The following SLC14A2 variants were observed in gnomAD, a reference collection of about 807,000 sequenced individuals.
The protein encoded by SLC14A2 is solute carrier family 14 member 2, also known as urea transporter 2.
A neutral mutation model predicts 104.6 loss-of-function variants in SLC14A2; 91 were observed. The observed-to-expected ratio is 0.87, with a 90% CI of 0.73 to 1.04. The LOEUF is 1.04. Among genes scored for constraint, SLC14A2 ranks in the 50% least tolerant of loss-of-function variants. The pLI, the probability that SLC14A2 is intolerant of heterozygous loss-of-function variation, is 0.00. For missense variants in SLC14A2, 1,189 were observed against 1,156.0 expected, an observed-to-expected ratio of 1.03 and a Z score of -0.41; for synonymous variants, 476 against 466.4, an observed-to-expected ratio of 1.02 and a Z score of -0.27.
chr18:45,512,814 G>A (rs1056178395), intron 2 of SLC14A2, among the ~76,000 whole-genome samples: 9 of 152,302 alleles, frequency 5.9e-5, no homozygotes, highest in Non-Finnish European at 1.0e-4. Context: ...GGATTGGGGG[G>A]AGCTGGAAGG....
chr18:45,208,420 C>T (rs2083933302), upstream of SLC14A2, among the ~76,000 whole-genome samples: 1 of 152,184 alleles, frequency 6.6e-6, no homozygotes, highest in Non-Finnish European at 1.5e-5. Context: ...TAACGACAAG[C>T]TTATGAGTTA....
intron 1 of SLC14A2, among the ~76,000 whole-genome samples, chr18:45,299,414 C>T (rs751606345): frequency 3.4e-4 from 52 of 152,316 alleles, no homozygotes; most frequent in East Asian, 9.6e-4. Context: ...CACACATGTG[C>T]GCATGCACAC....
At chr18:45,433,883 T>C (rs998499404) in intron 1 of SLC14A2, among the ~76,000 whole-genome samples, 1 of 152,184 alleles carries the variant, frequency 6.6e-6, no homozygotes, top group Admixed American at 6.5e-5. Context: ...AGGGGGAAGA[T>C]GGATGGTGGC....
In SLC14A2 at chr18:45,353,683, T is replaced by A. The variant is rs114750167; in HGVS notation, c.-124-129550T>A. ...CAACAATAAGAATGCATACTAAGTGTGGAAGATCCCTAGGGCTGGTGCGTT... is the reference window on the plus strand; with the variant it reads ...CAACAATAAGAATGCATACTAAGTGAGGAAGATCCCTAGGGCTGGTGCGTT... On this transcript the variant is annotated intron_variant, in intron 1 of 20. Transcript: ENST00000586448. Among the ~76,000 whole-genome samples the A allele has an allele frequency of 3.4e-3, 515 of 152,292 alleles. 2 individuals are homozygous for A. The highest frequency in any genetic ancestry group is 0.012 in the African/African-American group (497 of 41,562).
At position 45,650,093 on chromosome 18, in the gene SLC14A2, G is replaced by A. The variant is rs78112230; in HGVS notation, c.1351+5933G>A. On this transcript the variant is annotated intron_variant, in intron 10 of 19. Transcript: ENST00000255226. Reference sequence around the variant, plus strand: ...GATGGGCCTCTTTGATCTCTATTTCGAGTTGCTTATGTTATTCTTCACAAT... The same window carrying A: ...GATGGGCCTCTTTGATCTCTATTTCAAGTTGCTTATGTTATTCTTCACAAT... Among the ~76,000 whole-genome samples the A allele has an allele frequency of 5.9e-3, 899 of 152,078 alleles. 14 individuals carry two copies. The highest frequency in any genetic ancestry group is 0.018 in the African/African-American group (754 of 41,476).
chr18:45,593,211 G>A (rs1286039200), intron 2 of SLC14A2, among the ~76,000 whole-genome samples: 1 of 151,802 alleles, frequency 6.6e-6, no homozygotes, highest in East Asian at 2.0e-4. Context: ...CAGCTACTCG[G>A]GAGGCTGAGG....
chr18:45,402,413 G>A (rs1275252958), intron 1 of SLC14A2, among the ~76,000 whole-genome samples: 2 of 152,130 alleles, frequency 1.3e-5, no homozygotes, highest in Non-Finnish European at 2.9e-5. Context: ...AGCCCTCATC[G>A]CTGTCATTAT....
chr18:45,643,965 C>T, intron 9 of SLC14A2, 21 bp from the exon 10 acceptor site: 1 of 1,610,920 alleles, frequency 6.2e-7, no homozygotes. Context: ...CTTCTTCAGT[C>T]CCCAATGCTT....
At chr18:45,572,367 G>A (rs2044360036) in intron 2 of SLC14A2, among the ~76,000 whole-genome samples, 1 of 152,176 alleles carries the variant, frequency 6.6e-6, no homozygotes, top group Admixed American at 6.5e-5. Flanking sequence ...TCTTATGCTA[G>A]TGTTCTCTCT....
At chr18:45,503,193 G>T (rs1038719258) in intron 2 of SLC14A2, among the ~76,000 whole-genome samples, 5 of 152,110 alleles carry the variant, frequency 3.3e-5, no homozygotes, top group Admixed American at 2.0e-4. Flanking sequence ...TAGTATTTTT[G>T]ATTGTTGTGT....
chr18:45,363,432 G>A (rs2085635134), intron 1 of SLC14A2, among the ~76,000 whole-genome samples: 1 of 152,182 alleles, frequency 6.6e-6, no homozygotes, highest in Admixed American at 6.5e-5. Context: ...CACCTCGCAT[G>A]AACTTGGCAG....
intron 1 of SLC14A2, among the ~76,000 whole-genome samples, chr18:45,427,858 T>G (rs2086457205): frequency 6.6e-6 from 1 of 152,202 alleles, no homozygotes; most frequent in African/African-American, 2.4e-5. Flanking sequence ...CTGCCAATGA[T>G]GTGATCTTAG....
At chr18:45,213,472 C>T (rs1490932026) in intron 1 of SLC14A2, among the ~76,000 whole-genome samples, 1 of 151,960 alleles carries the variant, frequency 6.6e-6, no homozygotes, top group Non-Finnish European at 1.5e-5. Flanking sequence ...CTAGATTAAC[C>T]CATGGTATTC....
At chr18:45,280,897 G>A (rs1036105717) in intron 1 of SLC14A2, among the ~76,000 whole-genome samples, 1 of 152,016 alleles carries the variant, frequency 6.6e-6, no homozygotes, top group African/African-American at 2.4e-5. Flanking sequence ...GCATCGCTGT[G>A]CCTTTATCTT....
chr18:45,570,428 T>C (rs546335319), intron 2 of SLC14A2, among the ~76,000 whole-genome samples: 5 of 152,308 alleles, frequency 3.3e-5, no homozygotes, highest in African/African-American at 1.2e-4. Context: ...CACACCTATA[T>C]GTACCCAAAT....
At chr18:45,648,877 C>T (rs552508451) in intron 10 of SLC14A2, among the ~76,000 whole-genome samples, 2 of 152,040 alleles carry the variant, frequency 1.3e-5, no homozygotes, top group South Asian at 4.2e-4. Context: ...TTGGAAGGTC[C>T]ACTGTTGTTT....
chr18:45,364,426 A>T (rs2144335650), intron 1 of SLC14A2, among the ~76,000 whole-genome samples: 1 of 152,304 alleles, frequency 6.6e-6, no homozygotes, highest in Admixed American at 6.5e-5. Context: ...GATCACTGTG[A>T]GAGTAGAAGA....
At chr18:45,631,883 T>A (rs2144525315) in intron 4 of SLC14A2, among the ~76,000 whole-genome samples, 1 of 152,324 alleles carries the variant, frequency 6.6e-6, no homozygotes, top group South Asian at 2.1e-4. Context: ...ACTCCCAAAG[T>A]GCAGGGATTA....
At position 45,235,869 on chromosome 18, in the gene SLC14A2, A is replaced by T. The variant is rs1015066296; in HGVS notation, c.-125+22678A>T. ...TATGTATATATACATATATGTGTGT[A>T]TATATGTATATATACATATATGTGT... On this transcript the variant is annotated intron_variant, in intron 1 of 20. Coordinates refer to the SLC14A2 transcript ENST00000586448. 1.6e-5 allele frequency among the ~76,000 whole-genome samples: 2 copies of T among 127,330 alleles called. 1 individual carries two copies. The highest frequency in any genetic ancestry group is 6.6e-5 in the African/African-American group (2 of 30,420). The allele number at this position is 127,330 out of a possible 152,430, so 83.5% of individuals were successfully genotyped here.
Sources: gnomAD v4.1 joint callset for allele counts (sites outside exome capture counted in the v4.1 genomes callset) on GRCh38, gnomAD v4.1.1 for gene constraint, MANE v1.5 for transcripts, NCBI Gene and HGNC (gene_info 2026-07-23, HGNC 2026-07-21) for gene names.